Variants in TENM1 observed in about 807,000 individuals in gnomAD.
TENM1 encodes teneurin-1.
Under a neutral mutation model 174.8 loss-of-function variants are expected in TENM1, and 35 were observed. The observed-to-expected ratio is 0.20, with a 90% confidence interval of 0.15 to 0.27. The LOEUF (loss-of-function observed/expected upper bound fraction) is 0.27. Ranked by LOEUF, TENM1 falls within the 10% of genes least tolerant of loss-of-function variation. The pLI is 1.00. For synonymous variants in TENM1, 781 were observed against 798.7 expected (o/e 0.98, Z 0.37); for missense variants, 1,633 against 2,130.1 (o/e 0.77, Z 4.59).
chrX:124,770,481 C>A (rs1235531321), intron 3 of TENM1, among the ~76,000 whole-genome samples: 1 of 111,778 alleles, frequency 8.9e-6, no homozygotes, highest in Non-Finnish European at 1.9e-5. Context: ...CCTCAGCTCA[C>A]TGCAACTTCG....
chrX:124,787,392 C>G (rs1002974539), intron 3 of TENM1, among the ~76,000 whole-genome samples: 18 of 111,591 alleles, frequency 1.6e-4, no homozygotes, highest in African/African-American at 5.6e-4. Flanking sequence ...CTGGATGTTA[C>G]TGGCTATACA....
At chrX:124,884,286 T>TG (rs1346222636) in intron 3 of TENM1, among the ~76,000 whole-genome samples, 3 of 109,062 alleles carry the variant, frequency 2.8e-5, no homozygotes, top group Non-Finnish European at 5.7e-5. Flanking sequence ...CAGGGATGTG[T>TG]AGAGGCAGAG....
At position 124,650,221 on chromosome X, in the gene TENM1, AAAAAAAAG is replaced by A. The variant is rs57865308; in HGVS notation, c.1579+1685_1579+1692del. Among the ~76,000 whole-genome samples, 518 of 107,519 alleles carry A rather than the reference AAAAAAAAG, an allele frequency of 4.8e-3. 5 individuals carry two copies. The highest frequency in any genetic ancestry group is 0.017 in the African/African-American group (500 of 29,152). The allele number at this position is 107,519 out of a possible 115,157, so 93.4% of individuals were successfully genotyped here. ...TCTCCAAAAAAAAAAAAAAAAAAAA[AAAAAAAAG>A]AAAGAGGAGAATTTAGGGTGAATGA... On this transcript the variant is annotated intron_variant, in intron 8 of 31. Transcript: ENST00000422452.
At position 124,567,959 on chromosome X, in the gene TENM1, T is replaced by A. The variant is rs1239528563; in HGVS notation, c.2078-2399A>T. ...TTTCATATATTGCTTTGTACAACTA[T>A]AAATCTTAGGCATAGAGGAGTATAA... On this transcript the variant is annotated intron_variant, in intron 11 of 31. Transcript: ENST00000422452. Among the ~76,000 whole-genome samples the A allele has an allele frequency of 2.7e-5, 3 of 112,061 alleles. No homozygotes were observed. In the East Asian group the frequency reaches 8.4e-4, roughly 31 times the overall value.
chrX:124,843,206 C>T (rs2056538574), intron 3 of TENM1, among the ~76,000 whole-genome samples: 1 of 111,560 alleles, frequency 9.0e-6, no homozygotes, highest in African/African-American at 3.3e-5. Context: ...CAACAGTGCA[C>T]CTGTAATAAA....
intron 1 of TENM1, among the ~76,000 whole-genome samples, chrX:124,929,704 C>T (rs2058141694): frequency 9.0e-6 from 1 of 111,669 alleles, no homozygotes; most frequent in Non-Finnish European, 1.9e-5. Flanking sequence ...TTTCTACTTG[C>T]TTAGTTTTCT....
intron 6 of TENM1, among the ~76,000 whole-genome samples, chrX:124,658,358 C>T (rs1210147030): frequency 8.9e-6 from 1 of 111,812 alleles, no homozygotes; most frequent in Non-Finnish European, 1.9e-5. Flanking sequence ...CTGGTGGGAA[C>T]TTGGTAAACA....
At chrX:124,682,815 T>C (rs912771857) in intron 5 of TENM1, among the ~76,000 whole-genome samples, 1 of 110,958 alleles carries the variant, frequency 9.0e-6, no homozygotes, top group African/African-American at 3.3e-5. Flanking sequence ...ATTGTCAATG[T>C]CATCTAGGTC....
At chrX:125,175,364 A>T in the TENM1 span, among the ~76,000 whole-genome samples, 1 of 111,660 alleles carries the variant, frequency 9.0e-6, no homozygotes, top group East Asian at 2.8e-4. Context: ...ATGAGAAAGT[A>T]TTATTTTAAA....
chrX:124,949,560 A>G (rs149167621), intron 1 of TENM1, among the ~76,000 whole-genome samples: 1 of 111,811 alleles, frequency 8.9e-6, no homozygotes, highest in Non-Finnish European at 1.9e-5. Flanking sequence ...GCACGGCACC[A>G]AGGCAGGCTT....
At chrX:125,122,844 A>T in the TENM1 span, among the ~76,000 whole-genome samples, 4 of 63,349 alleles carry the variant, frequency 6.3e-5, no homozygotes, top group Non-Finnish European at 1.2e-4. Flanking sequence ...ATTTTTAATT[A>T]AAAAACAGTC....
chrX:125,044,112 T>C, the TENM1 span, among the ~76,000 whole-genome samples: 2 of 55,059 alleles, frequency 3.6e-5, no homozygotes, highest in Non-Finnish European at 6.3e-5. Context: ...CATGTATACA[T>C]ATGTAACTAA....
chrX:124,640,414 G>A (rs2050984333), intron 11 of TENM1, among the ~76,000 whole-genome samples: 3 of 111,479 alleles, frequency 2.7e-5, no homozygotes, highest in Admixed American at 1.9e-4. Flanking sequence ...GGTACAAAAA[G>A]TCCCACAGTG....
chrX:124,704,819 G>A (rs1216104185), intron 5 of TENM1, among the ~76,000 whole-genome samples, 194 bp downstream of exon 8: 1 of 108,493 alleles, frequency 9.2e-6, no homozygotes, highest in Non-Finnish European at 1.9e-5. Flanking sequence ...TTCTCAAAGA[G>A]CATTCCTTAC....
chrX:124,587,991 T>C (rs1262405476), intron 11 of TENM1, among the ~76,000 whole-genome samples: 8 of 111,891 alleles, frequency 7.1e-5, no homozygotes, highest in Admixed American at 6.6e-4. Flanking sequence ...CACAATGAGA[T>C]ACCATCTCAC....
chrX:124,981,232 A>G, the TENM1 span, among the ~76,000 whole-genome samples: 4 of 111,620 alleles, frequency 3.6e-5, no homozygotes, highest in Non-Finnish European at 7.5e-5. Flanking sequence ...GCAATAGCAG[A>G]CCTTGGGCAA....
intron 11 of TENM1, among the ~76,000 whole-genome samples, chrX:124,626,932 T>A (rs1040407888): frequency 8.9e-5 from 10 of 112,408 alleles, no homozygotes; most frequent in Non-Finnish European, 1.9e-4. Flanking sequence ...CATTATAGAT[T>A]TTACTTGCTG....
intron 28 of TENM1, among the ~76,000 whole-genome samples, chrX:124,391,823 C>T (rs1371901227): frequency 1.8e-5 from 2 of 111,899 alleles, no homozygotes; most frequent in Non-Finnish European, 3.8e-5. Flanking sequence ...AGCCGTTATT[C>T]TGACTTTAGT....
At chrX:125,129,490 A>C in the TENM1 span, among the ~76,000 whole-genome samples, 3 of 111,576 alleles carry the variant, frequency 2.7e-5, no homozygotes, top group Non-Finnish European at 5.7e-5. Context: ...ATGTTATTTT[A>C]AAATGTACAT....
Sources: gnomAD v4.1 joint callset for allele counts (sites outside exome capture counted in the v4.1 genomes callset) on GRCh38, gnomAD v4.1.1 for gene constraint, MANE v1.5 for transcripts, NCBI Gene and HGNC (gene_info 2026-07-23, HGNC 2026-07-21) for gene names.